The following LAMA3 variants were observed in gnomAD, a reference collection of about 807,000 sequenced individuals.
LAMA3 encodes the protein laminin subunit alpha 3, also known as laminin subunit alpha-3.
LAMA3 carries 281 observed loss-of-function variants against 402.0 expected under a neutral mutation model. The ratio of observed to expected loss-of-function variants is 0.70; its 90% CI spans 0.63 to 0.77. The LOEUF (loss-of-function observed/expected upper bound fraction) is 0.77, where lower values mean the gene tolerates loss of function less well. Among genes scored for constraint, LAMA3 ranks in the 30% least tolerant of loss-of-function variants. The probability of loss-of-function intolerance (pLI) is 0.00; values close to 1 mark genes in which losing one functional copy is unlikely to be tolerated. For synonymous variants in LAMA3, 1,431 were observed against 1,558.4 expected (o/e 0.92, Z 1.93); for missense variants, 3,840 against 4,215.5 (o/e 0.91, Z 2.47).
At chr18:23,742,771 G>A (rs1197915252) in intron 2 of LAMA3, among the ~76,000 whole-genome samples, 1 of 152,072 alleles carries the variant, frequency 6.6e-6, no homozygotes, top group Admixed American at 6.6e-5. Flanking sequence ...GAGCTGTCCT[G>A]TAGGTTTACA....
chr18:23,793,940 T>G (rs1451052945), intron 12 of LAMA3, among the ~76,000 whole-genome samples: 1 of 152,162 alleles, frequency 6.6e-6, no homozygotes, highest in Non-Finnish European at 1.5e-5. Flanking sequence ...TTTGCTGGAG[T>G]GGCTCACAGA....
In LAMA3 at chr18:23,822,202, G is replaced by A. The variant is rs1160022271; in HGVS notation, c.2305-50G>A. The A allele has an allele frequency of 3.7e-6, 6 of 1,608,694 alleles. No homozygotes were observed. In the Admixed American group the frequency reaches 1.0e-4, roughly 27 times the overall value. Reference sequence around the variant, plus strand: ...AATAAAGTCACTGTTTGGCTAGCATGTCTTTTAACCATTTTTTTCTATGCT... The same window carrying A: ...AATAAAGTCACTGTTTGGCTAGCATATCTTTTAACCATTTTTTTCTATGCT... On this transcript the variant is annotated intron_variant, in intron 19 of 74. Transcript: ENST00000313654.
Position 23,894,956 on chromosome 18 carries a change from C to T in LAMA3, c.5511C>T (p.Gly1837=), listed in dbSNP as rs754251072. The stretch of plus-strand genomic sequence containing the variant: ...TCCTGAACGACCTGGCCACCATGGG[C>T]GAGCAGCTCCGCCTGGTCAAGTCTC... ...MTLLNDLATM[G]EQLRLVKSQL... Residue 1837 remains glycine (G), a synonymous_variant, in exon 44 of 75, where the codon GGC becomes GGT. Transcript: ENST00000313654. 1.2e-5 allele frequency: 20 copies of T among 1,614,142 alleles called. No individual in the cohort carries two copies. The highest frequency in any genetic ancestry group is 1.7e-5 in the Admixed American group (1 of 60,028).
chr18:23,931,501 A>G (rs188794516), intron 65 of LAMA3: 91 of 262,962 alleles, frequency 3.5e-4, no homozygotes, highest in Non-Finnish European at 5.0e-4. Context: ...TACGAAAACT[A>G]AAATAAAATA....
chr18:23,766,841 A>G (rs2062085948), intron 8 of LAMA3, among the ~76,000 whole-genome samples: 1 of 149,342 alleles, frequency 6.7e-6, no homozygotes, highest in Admixed American at 6.7e-5. Flanking sequence ...TGTCTCAAAG[A>G]AAAAAAAAAT....
In LAMA3 at chr18:23,876,338, C is replaced by T. The variant is rs758486434; in HGVS notation, c.5043C>T (p.Thr1681=). 16 of 1,613,920 alleles carry T rather than the reference C, an allele frequency of 9.9e-6. No homozygotes were observed. The highest frequency in any genetic ancestry group is 4.5e-5 in the East Asian group (2 of 44,898). ...ATCGGGATCATAAAGGCTTGTATAC[C>T]GGACGGTGTGTTCCCTGCAATTGCA... The part of the protein sequence containing the change: ...GYYRDHKGLY[T]GRCVPCNCNG... Residue 1681 remains threonine (T), a synonymous_variant, in exon 39 of 75, where the codon ACC becomes ACT. Coordinates refer to ENST00000313654, the MANE Select transcript of LAMA3 (RefSeq NM_198129.4).
intron 32 of LAMA3, among the ~76,000 whole-genome samples, chr18:23,851,363 T>C (rs2063940723): frequency 6.6e-6 from 1 of 152,236 alleles, no homozygotes; most frequent in Non-Finnish European, 1.5e-5. Context: ...GGCTTCATTT[T>C]TCTCCTTCTG....
intron 2 of LAMA3, among the ~76,000 whole-genome samples, chr18:23,729,504 A>T (rs1053824936): frequency 2.0e-5 from 3 of 152,216 alleles, no homozygotes; most frequent in Non-Finnish European, 4.4e-5. Flanking sequence ...ATATTTCAAA[A>T]ATAGATGGTA....
intron 60 of LAMA3, among the ~76,000 whole-genome samples, chr18:23,919,134 A>T (rs2081742579): frequency 6.6e-6 from 1 of 152,226 alleles, no homozygotes; most frequent in Admixed American, 6.5e-5. Context: ...TTTAAGTAGG[A>T]TGGCTCATGA....
At chr18:23,890,613 G>A (rs1049274750) in intron 42 of LAMA3, among the ~76,000 whole-genome samples, 1 of 152,100 alleles carries the variant, frequency 6.6e-6, no homozygotes, top group Non-Finnish European at 1.5e-5. Flanking sequence ...GGTTTATTAG[G>A]AGCAACTTGG....
chr18:23,841,085 C>T (rs1041755742), intron 27 of LAMA3, among the ~76,000 whole-genome samples: 2 of 152,152 alleles, frequency 1.3e-5, no homozygotes, highest in African/African-American at 4.8e-5. Flanking sequence ...TCTACAGGAT[C>T]TGAGCGACAG....
chr18:23,819,993 T>C lies in LAMA3; in HGVS notation c.2300T>C (p.Val767Ala), dbSNP rs560460299. ...AGAGGATATGCCCAAATGACCTCAG[T>C]ACAGGTACGCAACCCGAAGAGAGCA... is the stretch of plus-strand genomic sequence containing the variant. Reference protein sequence around the residue: ...SWRGYAQMTSVQNDVRITLNV... With the variant: ...SWRGYAQMTSAQNDVRITLNV... The change falls in exon 19 of 75, where the codon GTA becomes GCA. Residue 767 changes from valine (V) to alanine (A), a missense_variant. Val to Ala is a moderately conservative substitution (Grantham distance 64, BLOSUM62 0). This residue lies in a region of LAMA3 where 2,109 missense variants were observed against 2,376.0 expected (regional missense o/e 0.89). Coordinates refer to ENST00000313654, the MANE Select transcript of LAMA3 (RefSeq NM_198129.4). 3 of 1,614,062 alleles carry C rather than the reference T, an allele frequency of 1.9e-6. No individual in the cohort carries two copies. Among genetic ancestry groups the C allele is most frequent in the African/African-American group, 1.3e-5 (1 of 75,024 alleles).
intron 1 of LAMA3, among the ~76,000 whole-genome samples, chr18:23,709,541 G>A (rs1024901638): frequency 6.6e-6 from 1 of 151,220 alleles, no homozygotes; most frequent in Non-Finnish European, 1.5e-5. Flanking sequence ...GAAAACACCA[G>A]GTTGAGTCAG....
At chr18:23,922,186 A>G (rs2081865616) in intron 62 of LAMA3, among the ~76,000 whole-genome samples, 2 of 152,220 alleles carry the variant, frequency 1.3e-5, no homozygotes, top group African/African-American at 2.4e-5. Context: ...TAACTTTTAC[A>G]TTTTGATCAT....
At chr18:23,758,316 T>C (rs898331953) in intron 6 of LAMA3, 80 bp from the exon 7 acceptor site, 3 of 949,050 alleles carry the variant, frequency 3.2e-6, no homozygotes, top group African/African-American at 1.6e-5. Context: ...ATGACTCGTG[T>C]GTCAGGTTCG....
At chr18:23,819,589 A>C (rs1159531013) in intron 18 of LAMA3, among the ~76,000 whole-genome samples, 4 of 152,198 alleles carry the variant, frequency 2.6e-5, no homozygotes, top group Non-Finnish European at 4.4e-5. Flanking sequence ...TGCTACCACT[A>C]TGGCTTGTGC....
intron 27 of LAMA3, among the ~76,000 whole-genome samples, chr18:23,841,614 G>A (rs1371726005): frequency 1.3e-5 from 2 of 152,198 alleles, no homozygotes; most frequent in Admixed American, 6.5e-5. Context: ...AAAGCTGTCA[G>A]TGGGCAAACA....
At chr18:23,890,729 T>G (rs1648244378) in intron 42 of LAMA3, among the ~76,000 whole-genome samples, 1 of 152,218 alleles carries the variant, frequency 6.6e-6, no homozygotes, top group Admixed American at 6.5e-5. Flanking sequence ...GATAAAATCT[T>G]TCATCTTATA....
chr18:23,903,422 CAG>C (rs1356971995), intron 49 of LAMA3, among the ~76,000 whole-genome samples: 1 of 152,156 alleles, frequency 6.6e-6, no homozygotes, highest in Non-Finnish European at 1.5e-5. Flanking sequence ...CATTTATTAA[CAG>C]AAGATATTTA....
Sources: allele counts gnomAD v4.1 joint callset (sites outside exome capture counted in the v4.1 genomes callset), GRCh38; gene constraint gnomAD v4.1.1; regional missense constraint gnomAD v4.1.1; transcripts MANE v1.5; gene names NCBI Gene and HGNC (gene_info 2026-07-23, HGNC 2026-07-21).